Variants in ZNF813 observed in about 807,000 individuals in gnomAD.
The protein encoded by ZNF813 is zinc finger protein 813.
ZNF813 carries 3 observed loss-of-function variants against 7.2 expected under a neutral mutation model. The ratio of observed to expected loss-of-function variants is 0.42; its 90% CI spans 0.19 to 1.08. The LOEUF is 1.08. Among genes scored for constraint, ZNF813 ranks in the 50% least tolerant of loss-of-function variants. The probability of loss-of-function intolerance (pLI) is 0.30; values close to 1 mark genes in which losing one functional copy is unlikely to be tolerated. For synonymous variants in ZNF813, 227 were observed against 256.3 expected (o/e 0.89, Z 1.09); for missense variants, 714 against 753.3 (o/e 0.95, Z 0.61).
chr19:53,484,679 C>G (rs2086424344), intron 2 of ZNF813, among the ~76,000 whole-genome samples: 1 of 152,190 alleles, frequency 6.6e-6, no homozygotes, highest in East Asian at 1.9e-4. Flanking sequence ...ATTCTCCTGC[C>G]TCAGCCTCCC....
intron 1 of ZNF813, among the ~76,000 whole-genome samples, chr19:53,474,549 C>A (rs1274816453): frequency 6.6e-6 from 1 of 152,106 alleles, no homozygotes; most frequent in Non-Finnish European, 1.5e-5. Flanking sequence ...AGTAGCCAGT[C>A]ATGATGGCAG....
At chr19:53,482,706 C>CTTTTTTTTTTTT (rs1568830690) in intron 1 of ZNF813, among the ~76,000 whole-genome samples, 4 of 91,500 alleles carry the variant, frequency 4.4e-5, no homozygotes, top group African/African-American at 1.6e-4. Flanking sequence ...ATCAGGAATG[C>CTTTTTTTTTTTT]TTTTTGTTTT....
chr19:53,477,043 G>A (rs1236472791), intron 1 of ZNF813, among the ~76,000 whole-genome samples: 4 of 152,106 alleles, frequency 2.6e-5, no homozygotes, highest in Non-Finnish European at 5.9e-5. Flanking sequence ...GCAAAGATAG[G>A]CTGACTAACT....
At chr19:53,471,102 T>C (rs559262782) in intron 1 of ZNF813, among the ~76,000 whole-genome samples, 1 of 152,234 alleles carries the variant, frequency 6.6e-6, no homozygotes, top group Non-Finnish European at 1.5e-5. Flanking sequence ...TTCTTATGTC[T>C]ATATCTCTTT....
chr19:53,492,231 AT>A lies in ZNF813; in HGVS notation c.*150del. ...AAACAAGTGTAATGAACGTTGCAAA[AT>A]TTTTAATCAACAAGCACACCTTCCA... is the stretch of plus-strand genomic sequence containing the variant. On this transcript the variant is annotated 3_prime_UTR_variant, in exon 4 of 4. Coordinates refer to ENST00000396403, the MANE Select transcript of ZNF813 (RefSeq NM_001004301.4). 1 of 1,171,132 alleles carries A rather than the reference AT, an allele frequency of 8.5e-7. No homozygotes were observed. The highest frequency in any genetic ancestry group is 1.2e-6 in the Non-Finnish European group (1 of 829,018). 72.5% of individuals were successfully genotyped at this position (1,171,132 alleles called of 1,614,324 possible). A position where few individuals can be genotyped will look rare whatever the true frequency, so the allele number is the denominator to read the frequency against.
rs533061967 is a variant in ZNF813 at position 53,490,659 on chromosome 19, A to G, written c.427A>G (p.Ser143Gly). Residue 143 changes from serine (S) to glycine (G), a missense_variant, in exon 4 of 4, where the codon AGC (serine) becomes GGC (glycine). Around this residue, in one of 3 missense-constraint regions of ZNF813, gnomAD observed 563 missense variants for 554.2 expected, o/e 1.02. Coordinates refer to ENST00000396403, the MANE Select transcript of ZNF813 (RefSeq NM_001004301.4). ...GCCTATTAAAGATCAGCTTGGATCA[A>G]GCTTTCATTCGCATCTGCCTGAACT... ...NKPIKDQLGS[S>G]FHSHLPELHM... 69 of 1,614,200 alleles carry G rather than the reference A, an allele frequency of 4.3e-5. 1 individual carries two copies. The South Asian group carries it at 6.9e-4, about 16-fold the overall frequency.
chr19:53,489,199 G>A (rs562987654), intron 3 of ZNF813, among the ~76,000 whole-genome samples: 12 of 152,162 alleles, frequency 7.9e-5, no homozygotes, highest in African/African-American at 2.9e-4. Context: ...TAGAGACGGG[G>A]TTTCTCCATG....
intron 2 of ZNF813, among the ~76,000 whole-genome samples, chr19:53,485,562 A>T (rs1305568675): frequency 6.4e-5 from 9 of 141,198 alleles, no homozygotes; most frequent in African/African-American, 2.3e-4. Context: ...GTATGTCATG[A>T]CATATATACA....
chr19:53,468,066 C>G (rs574292979), intron 1 of ZNF813, among the ~76,000 whole-genome samples: 3 of 152,254 alleles, frequency 2.0e-5, no homozygotes, highest in Non-Finnish European at 4.4e-5. Context: ...ACTCCTCCCA[C>G]CCCGCGCTTT....
At chr19:53,473,258 A>G (rs572020018) in intron 1 of ZNF813, among the ~76,000 whole-genome samples, 1 of 152,168 alleles carries the variant, frequency 6.6e-6, no homozygotes, top group Admixed American at 6.5e-5. Context: ...CTGTGCGTAG[A>G]CTAGTCAGCT....
chr19:53,469,735 G>A (rs1442849436), intron 1 of ZNF813, among the ~76,000 whole-genome samples: 1 of 12,542 alleles, frequency 8.0e-5, no homozygotes, highest in East Asian at 1.8e-3. Flanking sequence ...GGTGCTGGTG[G>A]CAAGAACAGA....
rs900368188 is a variant in ZNF813 at position 53,491,340 on chromosome 19, C to G, written c.1108C>G (p.Leu370Val). ...CAAGACCTTTAGTCGGAAGTCATCCCTTACATGCCATCATAGACTTCATAC... is the reference window on the plus strand; with the variant it reads ...CAAGACCTTTAGTCGGAAGTCATCCGTTACATGCCATCATAGACTTCATAC... ...CGKTFSRKSS[L>V]TCHHRLHTGE... Residue 370 changes from leucine (L) to valine (V), a missense_variant, in exon 4 of 4, where the codon CTT becomes GTT. Coordinates refer to ENST00000396403, the MANE Select transcript of ZNF813 (RefSeq NM_001004301.4). 3.1e-6 allele frequency: 5 copies of G among 1,613,124 alleles called. No homozygotes were observed. The highest frequency in any genetic ancestry group is 4.2e-6 in the Non-Finnish European group (5 of 1,179,370).
chr19:53,473,699 C>G (rs530326953), intron 1 of ZNF813, among the ~76,000 whole-genome samples: 1 of 152,212 alleles, frequency 6.6e-6, no homozygotes. Flanking sequence ...TATCGGCATT[C>G]TTTCTCATAT....
chr19:53,489,195 C>T (rs376894713), intron 3 of ZNF813, among the ~76,000 whole-genome samples: 2 of 152,162 alleles, frequency 1.3e-5, no homozygotes, highest in South Asian at 2.1e-4. Context: ...TTAGTAGAGA[C>T]GGGGTTTCTC....
chr19:53,479,363 C>A (rs761086217), intron 1 of ZNF813: 1 of 1,590,640 alleles, frequency 6.3e-7, no homozygotes, highest in Non-Finnish European at 8.5e-7. Context: ...GCTGGGATCA[C>A]CACCATCGAG....
intron 1 of ZNF813, among the ~76,000 whole-genome samples, chr19:53,468,901 C>T (rs1054100521): frequency 2.6e-5 from 4 of 151,470 alleles, no homozygotes; most frequent in African/African-American, 9.7e-5. Context: ...TCAGCACAGA[C>T]TCTTTACGGG....
chr19:53,491,549 CA>C lies in ZNF813; in HGVS notation c.1319del (p.Lys440SerfsTer16), dbSNP rs777648733. On this transcript the variant is annotated frameshift_variant, in exon 4 of 4. Coordinates refer to ENST00000396403, the MANE Select transcript of ZNF813 (RefSeq NM_001004301.4). LOFTEE classifies it low-confidence loss of function (END_TRUNC). ...HRLHSGEKPY[K>X]CTECVKTFSR... Reference sequence around the variant, plus strand: ...GACTTCATAGTGGAGAGAAACCCTACAAGTGTACTGAGTGTGTCAAGACGTT... The same window carrying C: ...GACTTCATAGTGGAGAGAAACCCTACAGTGTACTGAGTGTGTCAAGACGTT... 6.2e-7 allele frequency: 1 copy of C among 1,613,536 alleles called. No homozygotes were observed. Among genetic ancestry groups the C allele is most frequent in the Non-Finnish European group, 8.5e-7 (1 of 1,179,726 alleles).
At chr19:53,468,805 A>C (rs58257104) in intron 1 of ZNF813, among the ~76,000 whole-genome samples, 2,545 of 152,134 alleles carry the variant, frequency 0.017, 80 homozygotes, top group African/African-American at 0.058. Flanking sequence ...TTACACCTAG[A>C]CATTCCATTC....
intron 1 of ZNF813, among the ~76,000 whole-genome samples, chr19:53,476,554 G>T (rs1019839129): frequency 6.6e-6 from 1 of 151,566 alleles, no homozygotes; most frequent in African/African-American, 2.4e-5. Context: ...GCTTGAACCC[G>T]GGGGGCAGAG....
Sources: gnomAD v4.1 joint callset for allele counts (sites outside exome capture counted in the v4.1 genomes callset) on GRCh38, gnomAD v4.1.1 for gene constraint, gnomAD v4.1.1 regional missense constraint, MANE v1.5 for transcripts, NCBI Gene and HGNC (gene_info 2026-07-23, HGNC 2026-07-21) for gene names.